Variants in GULP1 observed in about 807,000 individuals in gnomAD.
GULP1 encodes the protein PTB domain-containing engulfment adapter protein 1.
Under a neutral mutation model 40.9 loss-of-function variants are expected in GULP1, and 19 were observed. The ratio of observed to expected loss-of-function variants is 0.46; its 90% confidence interval spans 0.32 to 0.68. GULP1 has a LOEUF of 0.68. Ranked by LOEUF, GULP1 falls within the 30% of genes least tolerant of loss-of-function variation. The pLI is 0.03. For missense variants in GULP1, 312 were observed against 362.2 expected, an observed-to-expected ratio of 0.86 and a Z score of 1.12; for synonymous variants, 119 against 117.6, an observed-to-expected ratio of 1.01 and a Z score of -0.08.
chr2:188,575,075 G>T (rs115359197), intron 9 of GULP1, among the ~76,000 whole-genome samples: 1 of 152,086 alleles, frequency 6.6e-6, no homozygotes, highest in South Asian at 2.1e-4. Flanking sequence ...AATAATTTTA[G>T]GTTGAAGCCT....
intron 2 of GULP1, among the ~76,000 whole-genome samples, chr2:188,402,353 G>A (rs1274817314): frequency 2.0e-5 from 3 of 151,972 alleles, no homozygotes; most frequent in African/African-American, 7.2e-5. Flanking sequence ...CTGGGATGAA[G>A]CATAAAAATT....
At chr2:188,360,841 A>G (rs2045975315) in intron 1 of GULP1, among the ~76,000 whole-genome samples, 1 of 152,150 alleles carries the variant, frequency 6.6e-6, no homozygotes, top group African/African-American at 2.4e-5. Flanking sequence ...TCTGATTTTA[A>G]GAATTGAAAA....
At chr2:188,435,382 G>T (rs1004487928) in intron 2 of GULP1, among the ~76,000 whole-genome samples, 3 of 151,882 alleles carry the variant, frequency 2.0e-5, no homozygotes, top group African/African-American at 7.3e-5. Flanking sequence ...ACGGGCTTTT[G>T]GTATCCTTTA....
At chr2:188,544,033 A>G (rs1193672683) in intron 7 of GULP1, among the ~76,000 whole-genome samples, 1 of 152,106 alleles carries the variant, frequency 6.6e-6, no homozygotes, top group Non-Finnish European at 1.5e-5. Flanking sequence ...CTGAATGACA[A>G]CATTTAACCC....
At chr2:188,351,570 T>C (rs1427129532) in intron 1 of GULP1, among the ~76,000 whole-genome samples, 1 of 152,170 alleles carries the variant, frequency 6.6e-6, no homozygotes, top group Non-Finnish European at 1.5e-5. Flanking sequence ...TGTAAACTCT[T>C]GATCCATGCA....
At chr2:188,430,230 T>TGATGTAAAAAGTTACATG (rs1002482541) in intron 2 of GULP1, among the ~76,000 whole-genome samples, 1 of 152,190 alleles carries the variant, frequency 6.6e-6, no homozygotes, top group African/African-American at 2.4e-5. Flanking sequence ...AGCTCAAAAG[T>TGATGTAAAAAGTTACATG]GATGTAAAAA....
chr2:188,437,489 A>G (rs2057517264), intron 2 of GULP1, among the ~76,000 whole-genome samples: 1 of 152,120 alleles, frequency 6.6e-6, no homozygotes, highest in Admixed American at 6.6e-5. Flanking sequence ...TAAAAATGAG[A>G]TTTTTAAAAA....
intron 11 of GULP1, chr2:188,589,517 T>C: frequency 2.9e-6 from 1 of 350,450 alleles, no homozygotes; most frequent in East Asian, 4.4e-5. Context: ...AGAGTACTTC[T>C]CTAAAAATTT....
intron 1 of GULP1, among the ~76,000 whole-genome samples, chr2:188,334,229 G>A (rs2041978565): frequency 6.6e-6 from 1 of 152,114 alleles, no homozygotes; most frequent in African/African-American, 2.4e-5. Flanking sequence ...TAATAACGTT[G>A]GTAAGCATTC....
intron 9 of GULP1, among the ~76,000 whole-genome samples, chr2:188,583,790 C>CA (rs540793344): frequency 4.6e-5 from 7 of 151,536 alleles, no homozygotes; most frequent in African/African-American, 1.2e-4. Flanking sequence ...TTTGAGAATG[C>CA]AAAAAAAATC....
intron 2 of GULP1, among the ~76,000 whole-genome samples, chr2:188,458,740 A>G (rs1575394989): frequency 6.6e-6 from 1 of 152,222 alleles, no homozygotes; most frequent in African/African-American, 2.4e-5. Context: ...GACTATAGAC[A>G]TCTTTTTGTG....
At chr2:188,397,281 T>G (rs946994664) in intron 2 of GULP1, among the ~76,000 whole-genome samples, 4 of 152,174 alleles carry the variant, frequency 2.6e-5, no homozygotes, top group African/African-American at 9.7e-5. Flanking sequence ...GTAGGTACGT[T>G]TTTTACAAGT....
rs573989963 is a variant in GULP1, at chr2:188,312,179, AT to A, written c.-172+20021del. On this transcript the variant is annotated intron_variant, in intron 1 of 11. Transcript: ENST00000409830. ...AGTACTTTAGAAAATATCTAAGACT[AT>A]TTTTTTTAATTTCTCCTAAAAAAAA... Among the ~76,000 whole-genome samples, 20 of 151,436 alleles carry A rather than the reference AT, an allele frequency of 1.3e-4. 1 individual carries two copies. In the South Asian group the frequency reaches 3.8e-3, roughly 28 times the overall value.
At chr2:188,554,390 T>A (rs981811192) in intron 7 of GULP1, among the ~76,000 whole-genome samples, 3 of 152,114 alleles carry the variant, frequency 2.0e-5, no homozygotes, top group South Asian at 2.1e-4. Flanking sequence ...CTTAATTTCT[T>A]TGTCAACCCA....
At chr2:188,542,372 C>T (rs1017323852) in intron 7 of GULP1, among the ~76,000 whole-genome samples, 2 of 152,048 alleles carry the variant, frequency 1.3e-5, no homozygotes, top group Non-Finnish European at 2.9e-5. Context: ...ATTTGTTTAT[C>T]TAGTTTCAGT....
chr2:188,375,994 A>G (rs1444359981), intron 1 of GULP1, among the ~76,000 whole-genome samples: 1 of 152,038 alleles, frequency 6.6e-6, no homozygotes, highest in Non-Finnish European at 1.5e-5. Flanking sequence ...CCAGCCCTCC[A>G]TATCCACGTT....
At chr2:188,433,120 A>C (rs774353550) in intron 2 of GULP1, among the ~76,000 whole-genome samples, 3 of 152,140 alleles carry the variant, frequency 2.0e-5, no homozygotes, top group Non-Finnish European at 4.4e-5. Context: ...AAATGTGTAC[A>C]CTAGAAGACC....
At chr2:188,371,987 G>A (rs1439241955) in intron 1 of GULP1, among the ~76,000 whole-genome samples, 1 of 110,598 alleles carries the variant, frequency 9.0e-6, no homozygotes, top group Non-Finnish European at 1.8e-5. Flanking sequence ...ATCCATTTAA[G>A]AGGTAGCTAC....
At chr2:188,361,236 C>T (rs1212329350) in intron 1 of GULP1, among the ~76,000 whole-genome samples, 5 of 151,888 alleles carry the variant, frequency 3.3e-5, no homozygotes, top group South Asian at 2.1e-4. Flanking sequence ...TTTCAAGAAA[C>T]GCTGATGCCT....
Sources: allele counts gnomAD v4.1 joint callset (sites outside exome capture counted in the v4.1 genomes callset), GRCh38; gene constraint gnomAD v4.1.1; transcripts MANE v1.5; gene names NCBI Gene and HGNC (gene_info 2026-07-23, HGNC 2026-07-21).